ZNF385D: variants seen among roughly 807,000 people sequenced by gnomAD.
The protein encoded by ZNF385D is zinc finger protein 659.
ZNF385D carries 15 observed loss-of-function variants against 35.8 expected under a neutral mutation model. The observed-to-expected ratio is 0.42, with a 90% CI of 0.28 to 0.64. The LOEUF (loss-of-function observed/expected upper bound fraction) is 0.64, where lower values mean the gene tolerates loss of function less well. Among genes scored for constraint, ZNF385D ranks in the 30% least tolerant of loss-of-function variants. The pLI, the probability that ZNF385D is intolerant of heterozygous loss-of-function variation, is 0.23. For missense variants in ZNF385D, 474 were observed against 494.6 expected, an observed-to-expected ratio of 0.96 and a Z score of 0.39; for synonymous variants, 212 against 186.8, an observed-to-expected ratio of 1.13 and a Z score of -1.10.
At chr3:22,050,261 C>G (rs1023786026) in intron 3 of ZNF385D, among the ~76,000 whole-genome samples, 1 of 151,664 alleles carries the variant, frequency 6.6e-6, no homozygotes, top group Non-Finnish European at 1.5e-5. Context: ...ACTCAGGAGG[C>G]TGGGGTGGGA....
intron 3 of ZNF385D, among the ~76,000 whole-genome samples, chr3:21,965,077 T>C (rs1379703551): frequency 1.3e-5 from 2 of 152,168 alleles, no homozygotes; most frequent in Admixed American, 1.3e-4. Flanking sequence ...GCCTGGAAGA[T>C]TGAAAAATTT....
chr3:22,026,317 C>A (rs1294253284), intron 3 of ZNF385D, among the ~76,000 whole-genome samples: 1 of 152,104 alleles, frequency 6.6e-6, no homozygotes, highest in East Asian at 1.9e-4. Context: ...TGAGAAAGGA[C>A]CCCCCTACAT....
At chr3:21,794,988 T>C (rs1044483846) in intron 3 of ZNF385D, among the ~76,000 whole-genome samples, 1 of 152,236 alleles carries the variant, frequency 6.6e-6, no homozygotes, top group Non-Finnish European at 1.5e-5. Flanking sequence ...TAAAGCTTAA[T>C]ATTTTTACTA....
chr3:21,808,312 G>C (rs182783579), intron 3 of ZNF385D, among the ~76,000 whole-genome samples: 2 of 152,234 alleles, frequency 1.3e-5, no homozygotes, highest in East Asian at 1.9e-4. Context: ...TTTACAAAGA[G>C]ACCTGTAGTA....
intron 3 of ZNF385D, among the ~76,000 whole-genome samples, chr3:21,971,945 C>A (rs372244526): frequency 8.6e-5 from 13 of 151,924 alleles, no homozygotes; most frequent in African/African-American, 2.9e-4. Flanking sequence ...CACTGGGACA[C>A]CCAGATATAT....
intron 3 of ZNF385D, among the ~76,000 whole-genome samples, chr3:21,761,632 T>G (rs976079240): frequency 6.6e-6 from 1 of 152,244 alleles, no homozygotes; most frequent in Admixed American, 6.5e-5. Flanking sequence ...ATTATATATC[T>G]ATAGAGAGGA....
chr3:22,186,412 G>A (rs941751279), intron 2 of ZNF385D, among the ~76,000 whole-genome samples: 3 of 152,160 alleles, frequency 2.0e-5, no homozygotes, highest in Admixed American at 6.6e-5. Flanking sequence ...AGTGTCACCT[G>A]GGTTTGTTAA....
At chr3:21,760,794 C>T (rs1263359582) in intron 3 of ZNF385D, among the ~76,000 whole-genome samples, 1 of 152,038 alleles carries the variant, frequency 6.6e-6, no homozygotes. Flanking sequence ...GAGAACAAAG[C>T]AAATGATAAT....
In ZNF385D at chr3:22,327,546, C is replaced by T. The variant is rs143642043; in HGVS notation, c.106+44904G>A. On this transcript the variant is annotated intron_variant, in intron 2 of 5. Transcript: ENST00000494108. ...CCAGCCACATTTCCATGCATCGTTT[C>T]GGGAAGTCCAAGGATTTCCTGAAGA... 3.9e-5 allele frequency among the ~76,000 whole-genome samples: 6 copies of T among 152,264 alleles called. No homozygotes were observed. In the East Asian group the frequency reaches 5.8e-4, roughly 15 times the overall value.
chr3:21,806,362 G>T (rs1040093921), intron 3 of ZNF385D, among the ~76,000 whole-genome samples: 1 of 151,800 alleles, frequency 6.6e-6, no homozygotes, highest in African/African-American at 2.4e-5. Flanking sequence ...CTGTCACCAC[G>T]CCCGACTAAT....
chr3:21,486,145 A>G (rs1450194167), intron 4 of ZNF385D, among the ~76,000 whole-genome samples: 1 of 137,316 alleles, frequency 7.3e-6, no homozygotes, highest in South Asian at 2.6e-4. Context: ...GAGAGATTGA[A>G]ACAATTTATC....
chr3:21,615,214 A>T (rs1177308551), intron 2 of ZNF385D, among the ~76,000 whole-genome samples: 2 of 152,068 alleles, frequency 1.3e-5, no homozygotes, highest in Non-Finnish European at 2.9e-5. Flanking sequence ...CCTGGTTGTT[A>T]AAAAGAGTCA....
At chr3:21,894,911 T>A (rs1161047232) in intron 3 of ZNF385D, among the ~76,000 whole-genome samples, 2 of 142,756 alleles carry the variant, frequency 1.4e-5, no homozygotes, top group Non-Finnish European at 3.1e-5. Flanking sequence ...CAGGAGCTCA[T>A]GGCAAAGAGA....
At chr3:21,723,892 G>T (rs908188687) in intron 1 of ZNF385D, among the ~76,000 whole-genome samples, 4 of 152,116 alleles carry the variant, frequency 2.6e-5, no homozygotes, top group African/African-American at 9.7e-5. Flanking sequence ...GTTAAGGGCA[G>T]CCAGAGAGAA....
intron 3 of ZNF385D, among the ~76,000 whole-genome samples, chr3:21,865,816 C>T (rs572071381): frequency 1.7e-4 from 26 of 152,166 alleles, no homozygotes; most frequent in Non-Finnish European, 2.6e-4. Flanking sequence ...TTCAAATGTA[C>T]TCTTTACTAC....
At chr3:21,859,488 T>G (rs1696921313) in intron 3 of ZNF385D, among the ~76,000 whole-genome samples, 1 of 151,830 alleles carries the variant, frequency 6.6e-6, no homozygotes, top group Non-Finnish European at 1.5e-5. Flanking sequence ...AACAACATTC[T>G]GCCTCCACTC....
intron 3 of ZNF385D, among the ~76,000 whole-genome samples, chr3:21,829,490 C>A (rs748090002): frequency 1.1e-4 from 17 of 152,104 alleles, no homozygotes; most frequent in Non-Finnish European, 2.2e-4. Flanking sequence ...CCTGACCATG[C>A]ACTTTTGTGC....
intron 4 of ZNF385D, among the ~76,000 whole-genome samples, chr3:21,497,793 G>T (rs147282839): frequency 0.013 from 2,000 of 152,242 alleles, 43 homozygotes; most frequent in African/African-American, 0.046. Context: ...AGGTTGCAGT[G>T]AGCGGAGATC....
At chr3:22,349,391 C>T (rs560465438) in intron 2 of ZNF385D, among the ~76,000 whole-genome samples, 1 of 152,290 alleles carries the variant, frequency 6.6e-6, no homozygotes, top group South Asian at 2.1e-4. Flanking sequence ...GGAAAGACTG[C>T]TCAGTGTGGA....
Sources: allele counts gnomAD v4.1 joint callset (sites outside exome capture counted in the v4.1 genomes callset), GRCh38; gene constraint gnomAD v4.1.1; transcripts MANE v1.5; gene names NCBI Gene and HGNC (gene_info 2026-07-23, HGNC 2026-07-21).